Variants in ACCSL observed in about 807,000 individuals in gnomAD.
ACCSL encodes the protein probable inactive 1-aminocyclopropane-1-carboxylate synthase-like protein 2.
A neutral mutation model predicts 61.7 loss-of-function variants in ACCSL; 55 were observed. The ratio of observed to expected loss-of-function variants is 0.89; its 90% confidence interval spans 0.72 to 1.12. The LOEUF (loss-of-function observed/expected upper bound fraction) is 1.12, where lower values mean the gene tolerates loss of function less well. Among genes scored for constraint, ACCSL ranks in the 50% most tolerant of loss-of-function variants. The probability of loss-of-function intolerance (pLI) is 0.00; values close to 1 mark genes in which losing one functional copy is unlikely to be tolerated. For synonymous variants in ACCSL, 258 were observed against 264.3 expected, an observed-to-expected ratio of 0.98 and a Z score of 0.23; for missense variants, 632 against 698.0, an observed-to-expected ratio of 0.91 and a Z score of 1.07.
chr11:44,035,687 C>A, the ACCSL span, among the ~76,000 whole-genome samples: 1 of 152,234 alleles, frequency 6.6e-6, no homozygotes, highest in East Asian at 1.9e-4. Context: ...CCTGTAATCT[C>A]AGCGCTTTGG....
chr11:44,033,101 C>T, the ACCSL span, among the ~76,000 whole-genome samples: 334 of 152,258 alleles, frequency 2.2e-3, 1 homozygote, highest in African/African-American at 7.2e-3. Flanking sequence ...GTCAGGTGGA[C>T]GAACAGTCGG....
chr11:43,973,599 C>A, the ACCSL span, among the ~76,000 whole-genome samples: 2 of 151,982 alleles, frequency 1.3e-5, no homozygotes, highest in African/African-American at 4.8e-5. Flanking sequence ...GCTAGGGTAG[C>A]GTAATTTGAT....
intron 8 of ACCSL, 97 bp downstream of exon 8, chr11:44,053,603 C>A: frequency 8.7e-7 from 1 of 1,153,262 alleles, no homozygotes. Flanking sequence ...TGGCACATGC[C>A]TGTAATCCCA....
chr11:43,993,524 C>T, the ACCSL span, among the ~76,000 whole-genome samples: 48 of 152,310 alleles, frequency 3.2e-4, no homozygotes, highest in Non-Finnish European at 4.3e-4. Flanking sequence ...GCAGTGACTA[C>T]GCCTACTTCC....
At chr11:43,932,909 A>G in the ACCSL span, among the ~76,000 whole-genome samples, 1 of 152,244 alleles carries the variant, frequency 6.6e-6, no homozygotes, top group Non-Finnish European at 1.5e-5. Context: ...TGATAGCTGC[A>G]GAGCCTAGGG....
At chr11:43,961,156 C>T in the ACCSL span, among the ~76,000 whole-genome samples, 2 of 152,082 alleles carry the variant, frequency 1.3e-5, no homozygotes, top group Non-Finnish European at 2.9e-5. Flanking sequence ...TCTTTAATTT[C>T]ATTGTGGCCA....
the ACCSL span, among the ~76,000 whole-genome samples, chr11:43,931,501 G>C: frequency 6.6e-6 from 1 of 152,180 alleles, no homozygotes; most frequent in Non-Finnish European, 1.5e-5. Flanking sequence ...TGTGGGAGGT[G>C]CTGATGGGTG....
At chr11:44,056,360 T>C in intron 11 of ACCSL, 34 bp downstream of exon 11, 1 of 1,597,156 alleles carries the variant, frequency 6.3e-7, no homozygotes, top group Non-Finnish European at 8.5e-7. Flanking sequence ...GCATGTTGGC[T>C]GGACCTCATG....
chr11:43,994,610 G>C, the ACCSL span, among the ~76,000 whole-genome samples: 9 of 144,818 alleles, frequency 6.2e-5, no homozygotes. Context: ...GAGGTAAAAG[G>C]GGTGTTACTA....
chr11:44,021,156 A>G, the ACCSL span, among the ~76,000 whole-genome samples: 196 of 152,298 alleles, frequency 1.3e-3, 2 homozygotes, highest in African/African-American at 4.5e-3. Context: ...TGATGGATCA[A>G]ATGGTAGCTC....
At chr11:44,043,089 A>G (rs1279832713), upstream of ACCSL, among the ~76,000 whole-genome samples, 1 of 152,108 alleles carries the variant, frequency 6.6e-6, no homozygotes, top group Non-Finnish European at 1.5e-5. Context: ...TCTCAAAAAT[A>G]AACGTATTTA....
At chr11:44,057,493 A>G (rs11821221) in intron 11 of ACCSL, among the ~76,000 whole-genome samples, 2,331 of 152,216 alleles carry the variant, frequency 0.015, 62 homozygotes, top group African/African-American at 0.053. Context: ...TTTCCCAGGG[A>G]GCTTAAATAC....
intron 13 of ACCSL, among the ~76,000 whole-genome samples, chr11:44,059,103 A>G (rs1260999727): frequency 6.6e-6 from 1 of 152,190 alleles, no homozygotes; most frequent in East Asian, 1.9e-4. Flanking sequence ...TTAGCCACGC[A>G]TGGTGGCGCA....
chr11:43,998,537 C>T, the ACCSL span, among the ~76,000 whole-genome samples: 1 of 152,152 alleles, frequency 6.6e-6, no homozygotes, highest in Non-Finnish European at 1.5e-5. Flanking sequence ...TGGCCACTGG[C>T]TCAGCAGGCT....
the ACCSL span, among the ~76,000 whole-genome samples, chr11:44,033,438 G>T: frequency 6.6e-6 from 1 of 152,130 alleles, no homozygotes; most frequent in African/African-American, 2.4e-5. Flanking sequence ...ATGAGCAGAT[G>T]AATTCAGTGC....
chr11:43,933,401 C>T, the ACCSL span: 2 of 285,834 alleles, frequency 7.0e-6, no homozygotes, highest in Non-Finnish European at 1.4e-5. Flanking sequence ...TGACTCCACC[C>T]TGCCTTGCCG....
the ACCSL span, among the ~76,000 whole-genome samples, chr11:43,996,795 G>A: frequency 3.4e-5 from 5 of 147,168 alleles, no homozygotes; most frequent in East Asian, 1.0e-3. Context: ...TGTTCCTCAA[G>A]GTTCTCAACC....
the ACCSL span, among the ~76,000 whole-genome samples, chr11:43,958,241 C>T: frequency 3.3e-5 from 5 of 152,218 alleles, no homozygotes; most frequent in East Asian, 9.6e-4. Context: ...GGTAACATCA[C>T]TATTGTGAAC....
the ACCSL span, among the ~76,000 whole-genome samples, chr11:43,924,497 G>T: frequency 6.6e-6 from 1 of 152,232 alleles, no homozygotes; most frequent in Non-Finnish European, 1.5e-5. Flanking sequence ...GCTGCTCCCC[G>T]CAGGAAGGAC....
Sources: gnomAD v4.1 joint callset for allele counts (sites outside exome capture counted in the v4.1 genomes callset) on GRCh38, gnomAD v4.1.1 for gene constraint, MANE v1.5 for transcripts, NCBI Gene and HGNC (gene_info 2026-07-23, HGNC 2026-07-21) for gene names.